Variants in POLR3H observed in about 807,000 individuals in gnomAD.
POLR3H encodes the protein DNA-directed RNA polymerase III subunit RPC8.
A neutral mutation model predicts 25.5 loss-of-function variants in POLR3H; 17 were observed. That is an observed-to-expected ratio of 0.67 (90% CI 0.46 to 1.00). POLR3H has a LOEUF of 1.00. Among genes scored for constraint, POLR3H ranks in the 50% least tolerant of loss-of-function variants. POLR3H has a pLI of 0.00. For missense variants in POLR3H, 274 were observed against 265.0 expected, an observed-to-expected ratio of 1.03 and a Z score of -0.24; for synonymous variants, 129 against 103.0, an observed-to-expected ratio of 1.25 and a Z score of -1.53.
chr22:41,530,965 G>A (rs1255583254), intron 4 of POLR3H, 77 bp from the exon 5 acceptor site: 2 of 1,405,596 alleles, frequency 1.4e-6, no homozygotes, highest in African/African-American at 1.4e-5. Context: ...CGACCCCGCA[G>A]GAAAAACCAA....
At chr22:41,529,945 T>A (rs181162436) in intron 5 of POLR3H, among the ~76,000 whole-genome samples, 7 of 151,616 alleles carry the variant, frequency 4.6e-5, no homozygotes, top group Non-Finnish European at 1.0e-4. Context: ...TTAGTAGAGA[T>A]GGGGTTTCAC....
At chr22:41,537,621 G>C (rs1953079415) in intron 2 of POLR3H, among the ~76,000 whole-genome samples, 1 of 152,224 alleles carries the variant, frequency 6.6e-6, no homozygotes, top group African/African-American at 2.4e-5. Context: ...AAGGCCGAGA[G>C]AAGCAGAGGT....
At chr22:41,543,457 A>C (rs548759257) in intron 1 of POLR3H, among the ~76,000 whole-genome samples, 4 of 152,114 alleles carry the variant, frequency 2.6e-5, no homozygotes, top group Admixed American at 1.3e-4. Context: ...GTCTCTACGA[A>C]AAATACAAAA....
Position 41,526,364 on chromosome 22 carries a change from A to G in POLR3H, c.*2919T>C, listed in dbSNP as rs2066596135. Reference sequence around the variant, plus strand: ...CTCCAACAACCTGCTCATTGGTGCCATCAACATTGAAAACGGCAAGGCCAA... The same window carrying G: ...CTCCAACAACCTGCTCATTGGTGCCGTCAACATTGAAAACGGCAAGGCCAA... On this transcript the variant is annotated 3_prime_UTR_variant, in exon 6 of 6. Transcript: ENST00000355209. The G allele has an allele frequency of 6.2e-7, 1 of 1,613,626 alleles. No homozygotes were observed. The highest frequency in any genetic ancestry group is 1.3e-5 in the African/African-American group (1 of 74,928).
chr22:41,542,146 C>T (rs985164455), intron 1 of POLR3H, among the ~76,000 whole-genome samples: 2 of 151,954 alleles, frequency 1.3e-5, no homozygotes, highest in Admixed American at 1.3e-4. Context: ...GGCAGTGGTG[C>T]GATTTCAGCT....
At chr22:41,533,646 A>C in intron 2 of POLR3H, 3 of 1,304,006 alleles carry the variant, frequency 2.3e-6, no homozygotes, top group Non-Finnish European at 3.0e-6. Context: ...GGACCCTGGC[A>C]TCAGCAGGGC....
chr22:41,533,746 T>C, intron 2 of POLR3H: 1 of 1,298,260 alleles, frequency 7.7e-7, no homozygotes, highest in South Asian at 1.2e-5. Flanking sequence ...GGCCTTGTGC[T>C]GACCTCCCAG....
intron 2 of POLR3H, 48 bp downstream of exon 2, chr22:41,540,651 A>C: frequency 7.0e-7 from 1 of 1,438,404 alleles, no homozygotes; most frequent in Non-Finnish European, 9.8e-7. Flanking sequence ...TGGCTACAGA[A>C]AACTGAGCCC....
At chr22:41,538,035 A>G (rs1325246624) in intron 2 of POLR3H, among the ~76,000 whole-genome samples, 2 of 147,484 alleles carry the variant, frequency 1.4e-5, no homozygotes, top group African/African-American at 2.5e-5. Flanking sequence ...GCACAATCTC[A>G]GCTCACTGCA....
At chr22:41,530,609 G>A in intron 5 of POLR3H, 78 bp downstream of exon 5, 1 of 1,347,872 alleles carries the variant, frequency 7.4e-7, no homozygotes, top group Non-Finnish European at 1.0e-6. Flanking sequence ...CAGAGCAGAA[G>A]CCCCAGGACA....
intron 5 of POLR3H, among the ~76,000 whole-genome samples, chr22:41,530,417 C>T (rs1368725867): frequency 6.6e-6 from 1 of 152,242 alleles, no homozygotes; most frequent in African/African-American, 2.4e-5. Context: ...CTCAAAGCCG[C>T]TTTATCAGTG....
At chr22:41,529,761 TTG>T (rs1386083664) in intron 5 of POLR3H, 16 of 440,068 alleles carry the variant, frequency 3.6e-5, no homozygotes, top group African/African-American at 2.9e-4. Context: ...CTTTTTTTTG[TTG>T]TTTTTTTTTT....
At position 41,526,705 on chromosome 22, in the gene POLR3H, C is replaced by G. The variant is rs1036960444; in HGVS notation, c.*2578G>C. ...GAGAGATATCTTAGGATATCTGGCCCTAGACAAAGACAAGGAAGGGGGCCG... is the reference window on the plus strand; with the variant it reads ...GAGAGATATCTTAGGATATCTGGCCGTAGACAAAGACAAGGAAGGGGGCCG... On this transcript the variant is annotated 3_prime_UTR_variant, in exon 6 of 6. Transcript: ENST00000355209. The G allele has an allele frequency of 8.9e-6, 4 of 449,026 alleles. No homozygotes were observed. Among genetic ancestry groups the G allele is most frequent in the African/African-American group, 2.0e-5 (1 of 50,616 alleles). 27.8% of individuals were successfully genotyped at this position (449,026 alleles called of 1,614,324 possible). A position where few individuals can be genotyped will look rare whatever the true frequency, so the allele number is the denominator to read the frequency against.
intron 2 of POLR3H, among the ~76,000 whole-genome samples, chr22:41,536,348 T>C (rs1277675478): frequency 4.7e-5 from 7 of 149,806 alleles, no homozygotes; most frequent in African/African-American, 7.4e-5. Context: ...TGAGCCGAGA[T>C]CACGCCACTG....
In POLR3H at chr22:41,527,907, A is replaced by G. The variant is rs1461515449; in HGVS notation, c.*1376T>C. ...AATGCCGCCTGCTTTCCAGAGACCA[A>G]CCTGAAGAAACAGGGCCTGCTGCCT... is the stretch of plus-strand genomic sequence containing the variant. On this transcript the variant is annotated 3_prime_UTR_variant, in exon 6 of 6. Coordinates refer to ENST00000355209, the MANE Select transcript of POLR3H (RefSeq NM_001018050.4). The G allele has an allele frequency of 6.2e-7, 1 of 1,614,060 alleles. No individual in the cohort carries two copies.
intron 3 of POLR3H, 125 bp downstream of exon 3, chr22:41,532,534 C>T: frequency 6.5e-7 from 1 of 1,549,980 alleles, no homozygotes; most frequent in Non-Finnish European, 8.7e-7. Context: ...GGGCAAGCTT[C>T]TCTGACACCA....
Position 41,526,424 on chromosome 22 carries a change from C to G in POLR3H, c.*2859G>C. The G allele has an allele frequency of 6.2e-7, 1 of 1,613,612 alleles. No individual in the cohort carries two copies. The highest frequency in any genetic ancestry group is 1.3e-5 in the African/African-American group (1 of 75,066). ...CAATGCCGTCACTCAGGAGTTTGGC[C>G]CCGTCCCTGACACTGCCCGCTACTA... On this transcript the variant is annotated 3_prime_UTR_variant, in exon 6 of 6. Transcript: ENST00000355209.
At chr22:41,532,471 A>C (rs954459064) in intron 3 of POLR3H, 188 bp downstream of exon 3, 5 of 1,066,138 alleles carry the variant, frequency 4.7e-6, no homozygotes, top group Non-Finnish European at 6.7e-6. Flanking sequence ...ACGGCCTCAC[A>C]GTGAAACCGC....
chr22:41,540,537 C>T, intron 2 of POLR3H, 162 bp downstream of exon 2: 1 of 708,652 alleles, frequency 1.4e-6, no homozygotes. Flanking sequence ...AAGACAGGGT[C>T]TTGCTATGTT....
Sources: allele counts gnomAD v4.1 joint callset (sites outside exome capture counted in the v4.1 genomes callset), GRCh38; gene constraint gnomAD v4.1.1; transcripts MANE v1.5; gene names NCBI Gene and HGNC (gene_info 2026-07-23, HGNC 2026-07-21).